The following ZBBX variants were observed in gnomAD, a reference collection of about 807,000 sequenced individuals.
The protein encoded by ZBBX is zinc finger B-box domain-containing protein 1.
A neutral mutation model predicts 108.5 loss-of-function variants in ZBBX; 101 were observed. The ratio of observed to expected loss-of-function variants is 0.93; its 90% CI spans 0.79 to 1.10. ZBBX has a LOEUF of 1.10. ZBBX is among the 50% of genes least tolerant of loss of function. The pLI, the probability that ZBBX is intolerant of heterozygous loss-of-function variation, is 0.00. For synonymous variants in ZBBX, 356 were observed against 323.4 expected, an observed-to-expected ratio of 1.10 and a Z score of -1.08; for missense variants, 1,009 against 941.4, an observed-to-expected ratio of 1.07 and a Z score of -0.94.
rs766113973 is a variant in ZBBX at position 167,282,273 on chromosome 3, A to G, written c.2219T>C (p.Leu740Ser). The G allele has an allele frequency of 6.2e-7, 1 of 1,612,480 alleles. No homozygotes were observed. Among genetic ancestry groups the G allele is most frequent in the Admixed American group, 1.7e-5 (1 of 59,648 alleles). The change falls in exon 20 of 22, where the codon TTG becomes TCG. Residue 740 changes from leucine (L) to serine (S), a missense_variant. Transcript: ENST00000675490. ...DTTDQHTLDN[L>S]EKELQVLRSL... ...TCTCAGCACTTGTAATTCTTTTTCC[A>G]AATTGTCTAAAGTATGTTGATCAGT...
chr3:167,328,870 T>C (rs1291967123), intron 10 of ZBBX, among the ~76,000 whole-genome samples: 1 of 152,204 alleles, frequency 6.6e-6, no homozygotes, highest in Non-Finnish European at 1.5e-5. Context: ...CTTTCCCCCA[T>C]TTAATAATTC....
At chr3:167,300,970 A>T (rs1453596180) in intron 17 of ZBBX, among the ~76,000 whole-genome samples, 2 of 146,682 alleles carry the variant, frequency 1.4e-5, no homozygotes. Context: ...CAGGTCTGTT[A>T]CATAGGTAAA....
Position 167,403,416 on chromosome 3 carries a change from A to C in ZBBX, c.-446+4310T>G, listed in dbSNP as rs150414393. On this transcript the variant is annotated intron_variant, in intron 1 of 21. Coordinates refer to the ZBBX transcript ENST00000455345. ...GAGAATTTGTTGCCATCATATCTGC[A>C]CTATAAGAAATGTCAAAACTTCTTC... Among the ~76,000 whole-genome samples, 4 of 152,294 alleles carry C rather than the reference A, an allele frequency of 2.6e-5. No individual in the cohort carries two copies. The East Asian group carries it at 7.7e-4, about 29-fold the overall frequency.
At chr3:167,339,968 C>G (rs1260322436) in intron 9 of ZBBX, among the ~76,000 whole-genome samples, 1 of 151,980 alleles carries the variant, frequency 6.6e-6, no homozygotes, top group Non-Finnish European at 1.5e-5. Context: ...CCGGCTTCTT[C>G]CATCAAGAAT....
chr3:167,358,403 T>C (rs1173657992), intron 8 of ZBBX, among the ~76,000 whole-genome samples: 1 of 152,050 alleles, frequency 6.6e-6, no homozygotes, highest in Non-Finnish European at 1.5e-5. Context: ...GATTGTTTAA[T>C]GGATACAGAG....
intron 20 of ZBBX, among the ~76,000 whole-genome samples, chr3:167,279,010 T>C (rs999444466): frequency 2.0e-5 from 3 of 152,078 alleles, no homozygotes; most frequent in African/African-American, 7.2e-5. Flanking sequence ...CACATGATTA[T>C]CTCAATAGAT....
intron 20 of ZBBX, among the ~76,000 whole-genome samples, chr3:167,249,456 C>T (rs547659198): frequency 3.0e-4 from 45 of 152,168 alleles, no homozygotes; most frequent in Admixed American, 7.9e-4. Context: ...TCGGGGTCCA[C>T]CCAGACCACC....
downstream of ZBBX, among the ~76,000 whole-genome samples, chr3:167,235,535 T>C (rs1387069642): frequency 3.3e-5 from 5 of 151,614 alleles, no homozygotes; most frequent in East Asian, 5.8e-4. Context: ...TGAATATATA[T>C]ATATATATTC....
chr3:167,181,902 C>CT, the ZBBX span, among the ~76,000 whole-genome samples: 1 of 152,170 alleles, frequency 6.6e-6, no homozygotes, highest in Admixed American at 6.5e-5. Flanking sequence ...AGGCAGAAGG[C>CT]TAACATCTTT....
intron 16 of ZBBX, among the ~76,000 whole-genome samples, chr3:167,311,344 T>A (rs990306279): frequency 4.6e-5 from 7 of 152,118 alleles, no homozygotes; most frequent in Non-Finnish European, 1.0e-4. Flanking sequence ...TGCAAAGCTA[T>A]GAATCTCTCA....
Position 167,348,357 on chromosome 3 carries a change from AAAGAAAGAAAG to A in ZBBX, c.528+2052_528+2062del, listed in dbSNP as rs1320193972. ...GAAAGAAAGAAAGAAAGAAAGAAAG[AAAGAAAGAAAG>A]AAAAAAAAGAAAAGAAAAGAAGAAG... On this transcript the variant is annotated intron_variant, in intron 9 of 21. Transcript: ENST00000675490. Among the ~76,000 whole-genome samples, 101 of 62,258 alleles carry A rather than the reference AAAGAAAGAAAG, an allele frequency of 1.6e-3. 1 individual carries two copies. Among genetic ancestry groups the A allele is most frequent in the African/African-American group, 5.6e-3 (95 of 16,994 alleles). 40.8% of individuals were successfully genotyped at this position (62,258 alleles called of 152,430 possible). A position where few individuals can be genotyped will look rare whatever the true frequency, so the allele number is the denominator to read the frequency against.
At chr3:167,293,425 C>T (rs1731071447) in intron 18 of ZBBX, among the ~76,000 whole-genome samples, 1 of 152,168 alleles carries the variant, frequency 6.6e-6, no homozygotes, top group African/African-American at 2.4e-5. Context: ...ATCACATAAA[C>T]AGAACAAATG....
chr3:167,369,308 T>C (rs1253162885), intron 4 of ZBBX, among the ~76,000 whole-genome samples: 1 of 152,234 alleles, frequency 6.6e-6, no homozygotes, highest in Admixed American at 6.5e-5. Flanking sequence ...ATTACATTAG[T>C]GTTTTACTAC....
At chr3:167,221,067 C>CA in the ZBBX span, among the ~76,000 whole-genome samples, 1 of 151,364 alleles carries the variant, frequency 6.6e-6, no homozygotes, top group Admixed American at 6.6e-5. Flanking sequence ...GAAAAGAACA[C>CA]AAAAAAATAG....
At chr3:167,276,955 A>C (rs1307959926) in intron 20 of ZBBX, among the ~76,000 whole-genome samples, 1 of 152,208 alleles carries the variant, frequency 6.6e-6, no homozygotes, top group Non-Finnish European at 1.5e-5. Context: ...TTCTTAAAGA[A>C]AAGAATTTTC....
At chr3:167,282,619 G>C (rs909571045) in intron 19 of ZBBX, 124 bp from the exon 20 acceptor site, 12 of 812,036 alleles carry the variant, frequency 1.5e-5, no homozygotes, top group Non-Finnish European at 2.3e-5. Flanking sequence ...TTTATGAAAA[G>C]TTAACTTTGA....
the ZBBX span, among the ~76,000 whole-genome samples, chr3:167,208,942 C>T: frequency 9.9e-5 from 15 of 152,214 alleles, no homozygotes; most frequent in East Asian, 7.8e-4. Flanking sequence ...ACTGCATTAA[C>T]GGGAGAGTCC....
At chr3:167,294,875 G>T (rs918848541) in intron 18 of ZBBX, among the ~76,000 whole-genome samples, 2 of 152,088 alleles carry the variant, frequency 1.3e-5, no homozygotes, top group African/African-American at 4.8e-5. Context: ...TCCAAAAGTA[G>T]GCAAAGGATA....
chr3:167,351,087 GAAA>G (rs201659377), intron 8 of ZBBX, among the ~76,000 whole-genome samples: 1 of 144,014 alleles, frequency 6.9e-6, no homozygotes, highest in African/African-American at 2.6e-5. Context: ...ATCTCTAAAG[GAAA>G]AAAAAAAGTA....
Sources: gnomAD v4.1 joint callset for allele counts (sites outside exome capture counted in the v4.1 genomes callset) on GRCh38, gnomAD v4.1.1 for gene constraint, MANE v1.5 for transcripts, NCBI Gene and HGNC (gene_info 2026-07-23, HGNC 2026-07-21) for gene names.